POLN: variants seen among roughly 807,000 people sequenced by gnomAD.
POLN encodes the protein DNA polymerase N.
A neutral mutation model predicts 113.5 loss-of-function variants in POLN; 108 were observed. The ratio of observed to expected loss-of-function variants is 0.95; its 90% confidence interval spans 0.81 to 1.12. The LOEUF (loss-of-function observed/expected upper bound fraction) is 1.12. POLN is among the 50% of genes most tolerant of loss of function. The pLI is 0.00. For missense variants in POLN, 1,097 were observed against 1,077.1 expected (o/e 1.02, Z -0.26); for synonymous variants, 386 against 391.5 (o/e 0.99, Z 0.17).
At chr4:2,219,830 C>A (rs759341688) in intron 3 of POLN, among the ~76,000 whole-genome samples, 20 of 152,254 alleles carry the variant, frequency 1.3e-4, no homozygotes, top group Non-Finnish European at 2.8e-4. Context: ...CTACAAGGAA[C>A]TAAAAGCCAT....
chr4:2,191,044 T>C (rs1733427599), intron 7 of POLN, among the ~76,000 whole-genome samples: 1 of 152,136 alleles, frequency 6.6e-6, no homozygotes, highest in Non-Finnish European at 1.5e-5. Flanking sequence ...AATCAACATA[T>C]CAGAGCGATA....
At chr4:2,188,322 C>T (rs572943742) in intron 7 of POLN, among the ~76,000 whole-genome samples, 5 of 152,124 alleles carry the variant, frequency 3.3e-5, no homozygotes, top group Admixed American at 3.3e-4. Context: ...AAACACGGGC[C>T]GGGCGCAGTG....
chr4:2,078,647 C>T (rs1730333499), intron 23 of POLN: 2 of 985,438 alleles, frequency 2.0e-6, no homozygotes, highest in Non-Finnish European at 2.4e-6. Context: ...CTTCCAGACG[C>T]CATCCACAGC....
intron 13 of POLN, among the ~76,000 whole-genome samples, chr4:2,161,023 C>G (rs1732573239): frequency 6.6e-6 from 1 of 152,206 alleles, no homozygotes; most frequent in Non-Finnish European, 1.5e-5. Flanking sequence ...GTGAGACACA[C>G]TCTCTCTCCC....
At chr4:2,224,774 A>G (rs1330230160) in intron 3 of POLN, among the ~76,000 whole-genome samples, 4 of 152,102 alleles carry the variant, frequency 2.6e-5, no homozygotes, top group African/African-American at 9.7e-5. Flanking sequence ...AACATGGTGA[A>G]ACCCTGCCTC....
At chr4:2,147,331 A>G (rs1044722060) in intron 16 of POLN, among the ~76,000 whole-genome samples, 5 of 152,222 alleles carry the variant, frequency 3.3e-5, no homozygotes, top group African/African-American at 1.2e-4. Flanking sequence ...TGGCAGTGCA[A>G]TGAGAAAAAA....
At chr4:2,125,930 G>A (rs1731567641) in intron 19 of POLN, among the ~76,000 whole-genome samples, 1 of 152,182 alleles carries the variant, frequency 6.6e-6, no homozygotes, top group African/African-American at 2.4e-5. Context: ...GGAGAGCTTG[G>A]AGTCCTAGAG....
At chr4:2,162,471 A>G (rs368140609) in intron 13 of POLN, among the ~76,000 whole-genome samples, 3 of 152,208 alleles carry the variant, frequency 2.0e-5, no homozygotes, top group Non-Finnish European at 4.4e-5. Flanking sequence ...CTGCGGCTTC[A>G]TTCTTGAAGT....
chr4:2,173,889 A>G, intron 11 of POLN, 66 bp downstream of exon 11: 1 of 1,450,008 alleles, frequency 6.9e-7, no homozygotes, highest in Non-Finnish European at 9.7e-7. Flanking sequence ...TAGACCTGCC[A>G]CTGGGAACAA....
chr4:2,106,544 T>G (rs1318137242), intron 19 of POLN, among the ~76,000 whole-genome samples: 1 of 152,188 alleles, frequency 6.6e-6, no homozygotes, highest in Non-Finnish European at 1.5e-5. Context: ...ACTTAGCTGT[T>G]GAATAAGAAG....
intron 13 of POLN, among the ~76,000 whole-genome samples, chr4:2,169,267 G>T (rs1371963712): frequency 6.6e-6 from 1 of 152,234 alleles, no homozygotes; most frequent in African/African-American, 2.4e-5. Flanking sequence ...TCCTAGGGCA[G>T]TAACGTGACT....
intron 7 of POLN, among the ~76,000 whole-genome samples, chr4:2,186,604 A>G (rs1467320401): frequency 2.0e-5 from 3 of 152,356 alleles, no homozygotes; most frequent in East Asian, 3.9e-4. Context: ...TTTAACAGGT[A>G]TATTGACCAA....
chr4:2,089,084 T>G (rs1730610802), intron 20 of POLN: 6 of 887,446 alleles, frequency 6.8e-6, no homozygotes, highest in Admixed American at 2.2e-5. Flanking sequence ...AGCAATGGAT[T>G]GGTCTACTAT....
Position 2,072,010 on chromosome 4 carries a change from C to T in POLN, c.*104G>A. The T allele has an allele frequency of 1.5e-6, 2 of 1,351,888 alleles. No individual in the cohort carries two copies. The highest frequency in any genetic ancestry group is 2.1e-6 in the Non-Finnish European group (2 of 942,692). The allele number at this position is 1,351,888 out of a possible 1,614,324, so 83.7% of individuals were successfully genotyped here. ...CAGGGGATGGCGGGCCACCCCAGCC[C>T]CAAAGGGTTAATGCGTCCTGGGGCG... On this transcript the variant is annotated 3_prime_UTR_variant, in exon 26 of 26. Coordinates refer to ENST00000511885, the MANE Select transcript of POLN (RefSeq NM_181808.4).
At chr4:2,232,975 T>G (rs995163644) in intron 2 of POLN, among the ~76,000 whole-genome samples, 1 of 152,148 alleles carries the variant, frequency 6.6e-6, no homozygotes, top group African/African-American at 2.4e-5. Flanking sequence ...TACAGATTCC[T>G]GTACCCCCCC....
rs181009271 is a variant in POLN, at chr4:2,174,895, G to A, written c.1249-144C>T. 1.5e-4 allele frequency: 86 copies of A among 587,592 alleles called. No homozygotes were observed. In the East Asian group the frequency reaches 1.7e-3, roughly 11 times the overall value. The allele number at this position is 587,592 out of a possible 1,614,324, so 36.4% of individuals were successfully genotyped here. ...TGGAGTGCAGTGGCGTGATCTCAGC[G>A]CACTGCAACCTCCACCTCCAGGGTT... On this transcript the variant is annotated intron_variant, in intron 9 of 25. Coordinates refer to ENST00000511885, the MANE Select transcript of POLN (RefSeq NM_181808.4).
At chr4:2,227,938 C>G (rs1734441255) in intron 3 of POLN, 1 of 152,248 alleles carries the variant, frequency 6.6e-6, no homozygotes, top group East Asian at 1.9e-4. Flanking sequence ...CTATCAATTG[C>G]TAGGCATGTA....
chr4:2,214,045 G>T (rs1032527474), intron 3 of POLN, among the ~76,000 whole-genome samples: 7 of 152,156 alleles, frequency 4.6e-5, no homozygotes, highest in Non-Finnish European at 8.8e-5. Flanking sequence ...AGACCAGCTT[G>T]GCCAAAATGG....
chr4:2,229,513 G>T (rs1734500938), intron 2 of POLN: 2 of 243,092 alleles, frequency 8.2e-6, no homozygotes, highest in South Asian at 9.4e-5. Flanking sequence ...ACATCCTGAG[G>T]TTTGAAAAAT....
Sources: gnomAD v4.1 joint callset for allele counts (sites outside exome capture counted in the v4.1 genomes callset) on GRCh38, gnomAD v4.1.1 for gene constraint, MANE v1.5 for transcripts, NCBI Gene and HGNC (gene_info 2026-07-23, HGNC 2026-07-21) for gene names.